The following UGT1A6 variants were observed in gnomAD, a reference collection of about 807,000 sequenced individuals.
The protein encoded by UGT1A6 is UDP-glucuronosyltransferase 1A6.
In UGT1A6, 32 loss-of-function variants were observed where a neutral mutation model predicts 44.4. The ratio of observed to expected loss-of-function variants is 0.72; its 90% CI spans 0.54 to 0.97. UGT1A6 has a LOEUF of 0.97. Ranked by LOEUF, UGT1A6 falls within the 50% of genes least tolerant of loss-of-function variation. UGT1A6 has a pLI of 0.00. For synonymous variants in UGT1A6, 238 were observed against 248.5 expected (o/e 0.96, Z 0.40); for missense variants, 685 against 661.9 (o/e 1.03, Z -0.38).
At chr2:233,772,049 G>A (rs371064452) in intron 4 of UGT1A6, among the ~76,000 whole-genome samples, 4 of 152,178 alleles carry the variant, frequency 2.6e-5, no homozygotes, top group African/African-American at 9.7e-5. Context: ...GGAGTTGGAG[G>A]CTGCAGTTAG....
rs907498423 is a variant in UGT1A6, at chr2:233,772,974, A to C, written c.*415A>C. The stretch of plus-strand genomic sequence containing the variant: ...GATGGTTGCAATTGATCCTTAACCA[A>C]TAATGGTCAGTCCTCATCTCTGTCG... On this transcript the variant is annotated 3_prime_UTR_variant, in exon 5 of 5. Transcript: ENST00000305139. 3.0e-5 allele frequency: 9 copies of C among 303,654 alleles called. No individual in the cohort carries two copies. The highest frequency in any genetic ancestry group is 5.7e-5 in the Non-Finnish European group (9 of 158,574). The allele number at this position is 303,654 out of a possible 1,614,324, so 18.8% of individuals were successfully genotyped here.
intron 1 of UGT1A6, among the ~76,000 whole-genome samples, chr2:233,707,312 T>C (rs1475084674): frequency 1.3e-5 from 2 of 152,156 alleles, no homozygotes; most frequent in African/African-American, 4.8e-5. Flanking sequence ...GTTTGTTACA[T>C]AGCTAAACAT....
intron 1 of UGT1A6, chr2:233,760,899 G>A (rs1697604278): frequency 6.2e-7 from 1 of 1,613,886 alleles, no homozygotes. Context: ...CAGATCACAT[G>A]ACCTTCCTGC....
chr2:233,744,004 C>A, intron 1 of UGT1A6: 1 of 1,163,748 alleles, frequency 8.6e-7, no homozygotes, highest in Non-Finnish European at 1.1e-6. Context: ...TGCTCGGAGA[C>A]CTGGGCCGCC....
intron 1 of UGT1A6, chr2:233,721,841 T>A (rs1420005948): frequency 1.9e-6 from 1 of 515,702 alleles, no homozygotes; most frequent in East Asian, 5.5e-5. Context: ...CGACCTTGTG[T>A]CCAGCCCCAC....
chr2:233,709,142 T>C (rs1251682483), intron 1 of UGT1A6, among the ~76,000 whole-genome samples: 1 of 152,118 alleles, frequency 6.6e-6, no homozygotes, highest in Non-Finnish European at 1.5e-5. Context: ...GGATGAGACG[T>C]GCTGATTGGT....
At chr2:233,728,557 A>T (rs190814480) in intron 1 of UGT1A6, among the ~76,000 whole-genome samples, 41 of 152,308 alleles carry the variant, frequency 2.7e-4, no homozygotes, top group African/African-American at 9.6e-4. Context: ...TGATCCTTAC[A>T]AGAAATATCC....
chr2:233,713,373 T>C (rs1347311443), intron 1 of UGT1A6: 2 of 1,614,164 alleles, frequency 1.2e-6, no homozygotes, highest in Non-Finnish European at 8.5e-7. Context: ...ACATAGGTCT[T>C]GTGTGGAGCT....
At chr2:233,693,990 T>C (rs553215275) in intron 1 of UGT1A6, 125 bp downstream of exon 1, 6 of 1,534,128 alleles carry the variant, frequency 3.9e-6, no homozygotes, top group Admixed American at 3.8e-5. Context: ...GGGGAAGTGA[T>C]ACCCGGCTCG....
At chr2:233,709,335 C>T (rs1308600702) in intron 1 of UGT1A6, among the ~76,000 whole-genome samples, 1 of 152,154 alleles carries the variant, frequency 6.6e-6, no homozygotes, top group African/African-American at 2.4e-5. Flanking sequence ...ACTAGTTTGT[C>T]ATATAAACCT....
intron 1 of UGT1A6, among the ~76,000 whole-genome samples, chr2:233,766,353 G>A (rs939799287): frequency 1.3e-5 from 2 of 152,092 alleles, no homozygotes; most frequent in Non-Finnish European, 2.9e-5. Context: ...GTGGCCTGCC[G>A]GTGCCTGTTG....
chr2:233,704,568 T>C (rs765343454), intron 1 of UGT1A6, among the ~76,000 whole-genome samples: 2 of 152,150 alleles, frequency 1.3e-5, no homozygotes, highest in Non-Finnish European at 2.9e-5. Flanking sequence ...TAAATACACA[T>C]GCTTTCAAGA....
At chr2:233,772,010 G>A (rs538941446) in intron 4 of UGT1A6, among the ~76,000 whole-genome samples, 1 of 152,306 alleles carries the variant, frequency 6.6e-6, no homozygotes, top group Admixed American at 6.5e-5. Flanking sequence ...CTACTCTGGA[G>A]GCTGAGGCAG....
chr2:233,693,466 C>T lies in UGT1A6; in HGVS notation c.462C>T (p.Pro154=). 6.2e-7 allele frequency: 1 copy of T among 1,614,120 alleles called. No homozygotes were observed. Among genetic ancestry groups the T allele is most frequent in the Middle Eastern group, 1.6e-4 (1 of 6,062 alleles). Residue 154 remains proline (P), a synonymous_variant, in exon 1 of 5, where the codon CCC becomes CCT. Transcript: ENST00000305139. The part of the protein sequence containing the change: ...FDALFTDPAL[P]CGVILAEYLG... ...CTCTTTTCACAGACCCAGCCTTACC[C>T]TGTGGGGTGATCCTGGCTGAGTATT...
In UGT1A6 at chr2:233,693,088, G is replaced by A; in HGVS notation, c.84G>A (p.Lys28=). The A allele has an allele frequency of 5.6e-6, 9 of 1,614,204 alleles. No homozygotes were observed. Among genetic ancestry groups the A allele is most frequent in the Non-Finnish European group, 7.6e-6 (9 of 1,180,034 alleles). Residue 28 remains lysine, a synonymous_variant, in exon 1 of 5, where the codon AAG becomes AAA. Transcript: ENST00000305139. ...LALWGMVVGD[K]LLVVPQDGSH... ...TTTGGGGCATGGTTGTAGGTGACAA[G>A]CTGCTGGTGGTCCCTCAGGACGGAA...
chr2:233,749,231 T>A (rs10178992), intron 1 of UGT1A6, among the ~76,000 whole-genome samples: 55,848 of 151,690 alleles, frequency 0.37, 10,811 homozygotes, highest in African/African-American at 0.42. Context: ...CTTCATTTTT[T>A]AAAATCAAAC....
intron 1 of UGT1A6, chr2:233,756,139 A>G (rs548564023): frequency 6.6e-6 from 1 of 152,240 alleles, no homozygotes; most frequent in Non-Finnish European, 1.5e-5. Flanking sequence ...CTGAAAAATT[A>G]CTGGGGATCC....
rs369738416 is a variant in UGT1A6 at position 233,718,805 on chromosome 2, G to A, written c.861+24940G>A. On this transcript the variant is annotated intron_variant, in intron 1 of 4. Transcript: ENST00000305139. The stretch of plus-strand genomic sequence containing the variant: ...AGCGTGGGGTGGACAGTCAGCTGTC[G>A]GTGGCTTCTGCTGAGATGGCCAGAG... 6.6e-5 allele frequency: 107 copies of A among 1,613,182 alleles called. No homozygotes were observed. The African/African-American group carries it at 1.2e-3, about 18-fold the overall frequency.
chr2:233,728,863 G>A (rs1165888230), intron 1 of UGT1A6, among the ~76,000 whole-genome samples: 1 of 152,190 alleles, frequency 6.6e-6, no homozygotes, highest in Middle Eastern at 3.2e-3. Context: ...AGAAACAAGA[G>A]CTTGAACTTG....
Sources: allele counts gnomAD v4.1 joint callset (sites outside exome capture counted in the v4.1 genomes callset), GRCh38; gene constraint gnomAD v4.1.1; transcripts MANE v1.5; gene names NCBI Gene and HGNC (gene_info 2026-07-23, HGNC 2026-07-21).